GRB14: variants seen among roughly 807,000 people sequenced by gnomAD.
GRB14 encodes growth factor receptor-bound protein 14.
A neutral mutation model predicts 69.1 loss-of-function variants in GRB14; 38 were observed. That is an observed-to-expected ratio of 0.55 (90% CI 0.42 to 0.72). GRB14 has a LOEUF of 0.72. Among genes scored for constraint, GRB14 ranks in the 30% least tolerant of loss-of-function variants. The probability of loss-of-function intolerance (pLI) is 0.00; values close to 1 mark genes in which losing one functional copy is unlikely to be tolerated. For synonymous variants in GRB14, 247 were observed against 241.3 expected, an observed-to-expected ratio of 1.02 and a Z score of -0.22; for missense variants, 666 against 666.1, an observed-to-expected ratio of 1.00 and a Z score of 0.00.
intron 6 of GRB14, among the ~76,000 whole-genome samples, chr2:164,516,483 A>C (rs1429050445): frequency 6.6e-6 from 1 of 151,922 alleles, no homozygotes; most frequent in Admixed American, 6.6e-5. Context: ...GGATACTCAA[A>C]GAAAAAGAAA....
At chr2:164,602,182 G>C (rs957571765) in intron 2 of GRB14, among the ~76,000 whole-genome samples, 5 of 150,502 alleles carry the variant, frequency 3.3e-5, no homozygotes, top group Middle Eastern at 7.0e-3. Flanking sequence ...GAAGAGAAGG[G>C]AAGGGAAGGG....
intron 6 of GRB14, among the ~76,000 whole-genome samples, chr2:164,512,144 G>A (rs1026180545): frequency 5.9e-5 from 9 of 152,126 alleles, no homozygotes; most frequent in African/African-American, 2.2e-4. Context: ...GATTTCCAAG[G>A]TTTTTTGTTT....
intron 2 of GRB14, among the ~76,000 whole-genome samples, chr2:164,618,236 A>T (rs1002795590): frequency 1.3e-5 from 2 of 150,166 alleles, no homozygotes; most frequent in African/African-American, 4.9e-5. Context: ...AAGTGCTGGG[A>T]TTACTGGGAT....
chr2:164,503,960 T>C (rs1009738334), intron 8 of GRB14, among the ~76,000 whole-genome samples: 1 of 151,978 alleles, frequency 6.6e-6, no homozygotes, highest in Non-Finnish European at 1.5e-5. Flanking sequence ...CATTTCCCCA[T>C]CCTATGGAGG....
intron 3 of GRB14, among the ~76,000 whole-genome samples, chr2:164,536,605 T>C (rs1331357808): frequency 6.6e-6 from 1 of 152,188 alleles, no homozygotes; most frequent in Non-Finnish European, 1.5e-5. Context: ...CTTTTTATAA[T>C]ATTAGAAAAC....
intron 2 of GRB14, among the ~76,000 whole-genome samples, chr2:164,552,189 C>T (rs1243779662): frequency 1.3e-5 from 2 of 152,180 alleles, no homozygotes; most frequent in South Asian, 2.1e-4. Flanking sequence ...CCAACATTGG[C>T]GATCAAATTT....
At chr2:164,507,793 G>T (rs1457759866) in intron 8 of GRB14, among the ~76,000 whole-genome samples, 1 of 152,008 alleles carries the variant, frequency 6.6e-6, no homozygotes, top group Non-Finnish European at 1.5e-5. Context: ...TCAATTTTCT[G>T]GCAAACAGTT....
intron 2 of GRB14, among the ~76,000 whole-genome samples, chr2:164,599,305 T>A (rs999010694): frequency 1.1e-4 from 7 of 62,294 alleles, no homozygotes; most frequent in Non-Finnish European, 1.4e-4. Context: ...ACTGCCAAAG[T>A]ATCGTATGGG....
At chr2:164,502,139 T>A (rs1687071017) in intron 9 of GRB14, 116 bp downstream of exon 9, 4 of 556,254 alleles carry the variant, frequency 7.2e-6, no homozygotes, top group South Asian at 6.0e-5. Context: ...TGCCAAAGAG[T>A]TACTTTACCA....
At position 164,561,856 on chromosome 2, in the gene GRB14, C is replaced by T. The variant is rs184001075; in HGVS notation, c.325-14040G>A. Among the ~76,000 whole-genome samples the T allele has an allele frequency of 9.7e-4, 148 of 152,246 alleles. 1 individual carries two copies. The highest frequency in any genetic ancestry group is 1.8e-3 in the Non-Finnish European group (121 of 68,020). ...TTATTGTTCTTTGTGAAGGGCAATA[C>T]TCTGTGTGAAGGGTATACCAAATTG... On this transcript the variant is annotated intron_variant, in intron 2 of 13. Coordinates refer to ENST00000263915, the MANE Select transcript of GRB14 (RefSeq NM_004490.3).
intron 2 of GRB14, among the ~76,000 whole-genome samples, chr2:164,579,097 T>C (rs1025743031): frequency 2.6e-5 from 4 of 152,128 alleles, no homozygotes; most frequent in African/African-American, 9.7e-5. Context: ...CAATAAAATA[T>C]CCTATACTTC....
At chr2:164,512,497 G>A (rs1037175591) in intron 6 of GRB14, among the ~76,000 whole-genome samples, 2 of 152,152 alleles carry the variant, frequency 1.3e-5, no homozygotes, top group Non-Finnish European at 2.9e-5. Flanking sequence ...ATAGTCCCTG[G>A]CTCCCAGATG....
chr2:164,534,708 T>C (rs1037359303), intron 3 of GRB14, among the ~76,000 whole-genome samples: 2 of 152,160 alleles, frequency 1.3e-5, no homozygotes, highest in African/African-American at 4.8e-5. Flanking sequence ...TAAGTAATCC[T>C]ACTAAGTTAT....
At chr2:164,610,661 T>C (rs1690145612) in intron 2 of GRB14, among the ~76,000 whole-genome samples, 1 of 152,056 alleles carries the variant, frequency 6.6e-6, no homozygotes, top group African/African-American at 2.4e-5. Flanking sequence ...TGTCAAAATA[T>C]AATTTGTTAA....
chr2:164,501,529 T>C (rs1290663904), intron 9 of GRB14, among the ~76,000 whole-genome samples: 1 of 152,118 alleles, frequency 6.6e-6, no homozygotes, highest in Non-Finnish European at 1.5e-5. Flanking sequence ...CAGAAATACA[T>C]TTCTTATGTT....
At chr2:164,613,498 C>T (rs774289681) in intron 2 of GRB14, among the ~76,000 whole-genome samples, 21 of 152,110 alleles carry the variant, frequency 1.4e-4, no homozygotes, top group Non-Finnish European at 2.2e-4. Flanking sequence ...AGTACTGAAC[C>T]ACTAATAGGT....
At chr2:164,565,294 A>ACG (rs997733539) in intron 2 of GRB14, among the ~76,000 whole-genome samples, 2 of 151,284 alleles carry the variant, frequency 1.3e-5, no homozygotes, top group African/African-American at 2.4e-5. Flanking sequence ...ACACACACAC[A>ACG]CACACACACT....
chr2:164,615,063 A>G (rs1049800044), intron 2 of GRB14, among the ~76,000 whole-genome samples: 1 of 152,278 alleles, frequency 6.6e-6, no homozygotes, highest in Non-Finnish European at 1.5e-5. Flanking sequence ...GTGGTAAGGG[A>G]CAGGACACAT....
Position 164,497,070 on chromosome 2 carries a change from A to G in GRB14, c.1320T>C (p.Phe440=). 1 of 1,613,950 alleles carries G rather than the reference A, an allele frequency of 6.2e-7. No individual in the cohort carries two copies. The highest frequency in any genetic ancestry group is 8.5e-7 in the Non-Finnish European group (1 of 1,179,874). ...CCTCATCTCTAGAAATTTTGTGGTG[A>G]AACCATGGCTGGGACCGGTGGATAG... ...NMAIHRSQPW[F]HHKISRDEAQ... is the part of the protein sequence containing the mutation. Residue 440 remains phenylalanine, a synonymous_variant, in exon 12 of 14, where the codon TTT becomes TTC. Coordinates refer to ENST00000263915, the MANE Select transcript of GRB14 (RefSeq NM_004490.3).
Sources: allele counts gnomAD v4.1 joint callset (sites outside exome capture counted in the v4.1 genomes callset), GRCh38; gene constraint gnomAD v4.1.1; transcripts MANE v1.5; gene names NCBI Gene and HGNC (gene_info 2026-07-23, HGNC 2026-07-21).